UBR4: variants seen among roughly 807,000 people sequenced by gnomAD.
The protein encoded by UBR4 is E3 ubiquitin-protein ligase UBR4.
UBR4 carries 124 observed loss-of-function variants against 575.6 expected under a neutral mutation model. That is an observed-to-expected ratio of 0.22 (90% CI 0.19 to 0.25). The LOEUF (loss-of-function observed/expected upper bound fraction) is 0.25. Among genes scored for constraint, UBR4 ranks in the 10% least tolerant of loss-of-function variants. UBR4 has a pLI of 1.00. For synonymous variants in UBR4, 2,455 were observed against 2,473.7 expected (o/e 0.99, Z 0.22); for missense variants, 4,818 against 6,478.8 (o/e 0.74, Z 8.80).
intron 20 of UBR4, among the ~76,000 whole-genome samples, chr1:19,175,746 T>C (rs147437950): frequency 2.6e-5 from 4 of 152,294 alleles, no homozygotes; most frequent in South Asian, 2.1e-4. Context: ...CTGTACCCTA[T>C]GGCCAGACAC....
chr1:19,126,819 G>A (rs1198139921), intron 63 of UBR4, among the ~76,000 whole-genome samples, 164 bp from the exon 64 acceptor site: 1 of 152,190 alleles, frequency 6.6e-6, no homozygotes. Flanking sequence ...AAGTTTGTGA[G>A]GTTTTTCAGA....
rs570837424 is a variant in UBR4 at position 19,110,053 on chromosome 1, G to A, written c.12105+43C>T. 6.4e-5 allele frequency: 103 copies of A among 1,611,170 alleles called. No homozygotes were observed. The highest frequency in any genetic ancestry group is 4.7e-4 in the South Asian group (43 of 90,812). ...ACACTGCCAGGGAATGAGGAGGGTG[G>A]CCGCCCTGCCCTTCCTTGTTAGACC... is the stretch of plus-strand genomic sequence containing the variant. On this transcript the variant is annotated intron_variant, in intron 81 of 105. Transcript: ENST00000375254. This position sits in a 1 kb window ranked among gnomAD's most constrained non-coding sequence, Gnocchi z 4.5.
chr1:19,123,111 T>C (rs1462065953), intron 65 of UBR4, 51 bp from the exon 66 acceptor site: 9 of 1,581,352 alleles, frequency 5.7e-6, no homozygotes, highest in Non-Finnish European at 7.8e-6. Flanking sequence ...ACTGTATCTA[T>C]ATCAACTGTG....
intron 1 of UBR4, among the ~76,000 whole-genome samples, chr1:19,207,640 T>C (rs909557574): frequency 6.6e-6 from 1 of 151,990 alleles, no homozygotes; most frequent in African/African-American, 2.4e-5. Context: ...AAAAAATAAA[T>C]AAATAAATAA....
chr1:19,210,166 C>G lies in UBR4; in HGVS notation c.83G>C (p.Gly28Ala). Reference sequence around the variant, plus strand: ...CAGGGGCCGCACAGCCACCTCCCAGCCCGGGGTCGTGTCCGCCCCCGTTGC... The same window carrying G: ...CAGGGGCCGCACAGCCACCTCCCAGGCCGGGGTCGTGTCCGCCCCCGTTGC... The part of the protein sequence containing the change: ...TPATGADTTP[G>A]WEVAVRPLLS... The change falls in exon 1 of 106, where the codon GGC becomes GCC. Residue 28 changes from glycine (G) to alanine (A), a missense_variant. Around this residue, in one of 29 missense-constraint regions of UBR4, gnomAD observed 95 missense variants for 87.7 expected, o/e 1.08. Transcript: ENST00000375254. 1.9e-6 allele frequency: 3 copies of G among 1,550,586 alleles called. No homozygotes were observed. Among genetic ancestry groups the G allele is most frequent in the Non-Finnish European group, 2.6e-6 (3 of 1,152,452 alleles).
intron 68 of UBR4, 59 bp from the exon 69 acceptor site, chr1:19,120,407 A>G: frequency 1.3e-6 from 2 of 1,570,470 alleles, no homozygotes; most frequent in Non-Finnish European, 1.7e-6. Flanking sequence ...CCAGGGTCCT[A>G]AGGCCTGGGC....
At chr1:19,140,661 G>T in intron 58 of UBR4, 127 bp downstream of exon 58, 3 of 989,584 alleles carry the variant, frequency 3.0e-6, no homozygotes, top group Non-Finnish European at 4.5e-6. Flanking sequence ...TCTTTCTAAA[G>T]CCAAGGCAGA....
Position 19,144,927 on chromosome 1 carries a change from T to A in UBR4, c.7946-20A>T. The A allele has an allele frequency of 6.2e-7, 1 of 1,610,922 alleles. No homozygotes were observed. Among genetic ancestry groups the A allele is most frequent in the East Asian group, 2.2e-5 (1 of 44,850 alleles). ...TTAGTCCTAAAGGAGAGACAAACAT[T>A]ATTTGAAAATCTGGAGGAAAAAACT... On this transcript the variant is annotated intron_variant, in intron 53 of 105. Transcript: ENST00000375254.
intron 64 of UBR4, among the ~76,000 whole-genome samples, chr1:19,126,240 T>G (rs144931586): frequency 3.9e-5 from 6 of 152,282 alleles, no homozygotes; most frequent in Middle Eastern, 3.4e-3. Flanking sequence ...TCCTCCAATT[T>G]ACAAAGAGGC....
At chr1:19,142,141 GA>G (rs1359425569) in intron 55 of UBR4, among the ~76,000 whole-genome samples, 1 of 152,218 alleles carries the variant, frequency 6.6e-6, no homozygotes, top group Non-Finnish European at 1.5e-5. Context: ...AAAATCATAT[GA>G]TTGGGATCTT....
At position 19,152,591 on chromosome 1, in the gene UBR4, G is replaced by A; in HGVS notation, c.6833-115C>T. 7.3e-7 allele frequency: 1 copy of A among 1,367,596 alleles called. No homozygotes were observed. The highest frequency in any genetic ancestry group is 1.0e-6 in the Non-Finnish European group (1 of 991,892). 84.7% of individuals were successfully genotyped at this position (1,367,596 alleles called of 1,614,324 possible). ...TCACACTCTAATCTAAGCAAACTCTGGATTATAACATTTGCATCGGCATGA... is the reference window on the plus strand; with the variant it reads ...TCACACTCTAATCTAAGCAAACTCTAGATTATAACATTTGCATCGGCATGA... On this transcript the variant is annotated intron_variant, in intron 46 of 105. Transcript: ENST00000375254. This position sits in a 1 kb window ranked among gnomAD's most constrained non-coding sequence, Gnocchi z 4.4.
Position 19,106,650 on chromosome 1 carries a change from C to T in UBR4, c.12312G>A (p.Arg4104=). 1 of 1,610,018 alleles carries T rather than the reference C, an allele frequency of 6.2e-7. No homozygotes were observed. Among genetic ancestry groups the T allele is most frequent in the South Asian group, 1.1e-5 (1 of 90,344 alleles). The change falls in exon 83 of 106, where the codon AGG becomes AGA. Residue 4104 remains arginine (R), a synonymous_variant. Coordinates refer to ENST00000375254, the MANE Select transcript of UBR4 (RefSeq NM_020765.3). ...HLYLTEKYVW[R]WKQFLSRRGK... is the part of the protein sequence containing the mutation. ...CCCGACGACTCAGGAACTGTTTCCACCTCCACACATACTTCTCAGTCAAAT... is the reference window on the plus strand; with the variant it reads ...CCCGACGACTCAGGAACTGTTTCCATCTCCACACATACTTCTCAGTCAAAT...
chr1:19,110,981 T>C lies in UBR4; in HGVS notation c.11802-149A>G, dbSNP rs544335554. On this transcript the variant is annotated intron_variant, in intron 78 of 105. Transcript: ENST00000375254. This position sits in a 1 kb window ranked among gnomAD's most constrained non-coding sequence, Gnocchi z 4.5. ...TTCCTTCCCGGGGCAAGACTAGAAC[T>C]TTAGCTTCACAAAACCGTGGTCGGT... is the stretch of plus-strand genomic sequence containing the variant. The C allele has an allele frequency of 4.0e-6, 3 of 759,218 alleles. No individual in the cohort carries two copies. The South Asian group carries it at 5.6e-5, about 14-fold the overall frequency. 47.0% of individuals were successfully genotyped at this position (759,218 alleles called of 1,614,324 possible). A position where few individuals can be genotyped will look rare whatever the true frequency, so the allele number is the denominator to read the frequency against.
chr1:19,141,288 A>C, intron 57 of UBR4, 59 bp downstream of exon 57: 2 of 1,611,588 alleles, frequency 1.2e-6, no homozygotes, highest in Non-Finnish European at 1.7e-6. Context: ...AGTAACTGCC[A>C]AACCCTCTTT....
chr1:19,197,409 G>T, intron 7 of UBR4, 144 bp from the exon 8 acceptor site: 1 of 1,266,192 alleles, frequency 7.9e-7, no homozygotes, highest in Non-Finnish European at 1.1e-6. Flanking sequence ...CAGGAGGATT[G>T]CTTGAGCCCA....
rs953945879 is a variant in UBR4 at position 19,089,877 on chromosome 1, A to G, written c.14212-900T>C. ...TCTCATGCTCCTAAATGCTGAGCCC[A>G]TATTTCAACTCCTACTGAGCTTTTC... is the stretch of plus-strand genomic sequence containing the variant. On this transcript the variant is annotated intron_variant, in intron 97 of 105. Coordinates refer to ENST00000375254, the MANE Select transcript of UBR4 (RefSeq NM_020765.3). This position sits in a 1 kb window ranked among gnomAD's most constrained non-coding sequence, Gnocchi z 4.3. 1.3e-5 allele frequency among the ~76,000 whole-genome samples: 2 copies of G among 152,212 alleles called. No individual in the cohort carries two copies. The highest frequency in any genetic ancestry group is 6.5e-5 in the Admixed American group (1 of 15,282).
chr1:19,210,013 T>C (rs993745815), intron 1 of UBR4, 60 bp downstream of exon 1: 2 of 1,475,758 alleles, frequency 1.4e-6, no homozygotes, highest in Non-Finnish European at 1.8e-6. Flanking sequence ...GTCCAGACGA[T>C]CCGGCTCGAA....
In UBR4 at chr1:19,096,918, G is replaced by A. The variant is rs181172147; in HGVS notation, c.13391-268C>T. 4.1e-3 allele frequency among the ~76,000 whole-genome samples: 617 copies of A among 152,054 alleles called. 9 individuals are homozygous for A. The highest frequency in any genetic ancestry group is 0.014 in the African/African-American group (592 of 41,478). ...ACCAATACCATCAATGGAGTGGGGG[G>A]AGAGGGAGTTAAAAATAAATCTGAA... On this transcript the variant is annotated intron_variant, in intron 91 of 105. Transcript: ENST00000375254.
chr1:19,208,839 A>T (rs1389701920), intron 1 of UBR4, among the ~76,000 whole-genome samples: 1 of 152,224 alleles, frequency 6.6e-6, no homozygotes, highest in Non-Finnish European at 1.5e-5. Context: ...GATTCTACGT[A>T]ACATGAGTAT....
Sources: allele counts gnomAD v4.1 joint callset (sites outside exome capture counted in the v4.1 genomes callset), GRCh38; gene constraint gnomAD v4.1.1; regional missense constraint gnomAD v4.1.1; non-coding constraint Gnocchi (gnomAD v3.1); transcripts MANE v1.5; gene names NCBI Gene and HGNC (gene_info 2026-07-23, HGNC 2026-07-21).